Variants in KIAA1217 observed in about 807,000 individuals in gnomAD.
KIAA1217 encodes KIAA1217, also known as sickle tail protein homolog.
KIAA1217 carries 88 observed loss-of-function variants against 163.9 expected under a neutral mutation model. That is an observed-to-expected ratio of 0.54 (90% CI 0.45 to 0.64). KIAA1217 has a LOEUF of 0.64. KIAA1217 is among the 30% of genes least tolerant of loss of function. The probability of loss-of-function intolerance (pLI) is 0.00; values close to 1 mark genes in which losing one functional copy is unlikely to be tolerated. For synonymous variants in KIAA1217, 903 were observed against 923.1 expected (o/e 0.98, Z 0.39); for missense variants, 2,372 against 2,475.0 (o/e 0.96, Z 0.88).
At chr10:23,921,965 G>C (rs544095018) in intron 1 of KIAA1217, among the ~76,000 whole-genome samples, 1 of 152,146 alleles carries the variant, frequency 6.6e-6, no homozygotes, top group African/African-American at 2.4e-5. Context: ...GGTGGCTGGG[G>C]CTCCTAGATA....
chr10:24,112,273 T>TTA (rs2062877328), intron 2 of KIAA1217, among the ~76,000 whole-genome samples: 1 of 152,206 alleles, frequency 6.6e-6, no homozygotes, highest in Non-Finnish European at 1.5e-5. Flanking sequence ...TTCCACAAAA[T>TTA]TAAGGCTACC....
At chr10:24,170,551 G>A (rs1022999826) in intron 2 of KIAA1217, among the ~76,000 whole-genome samples, 3 of 152,092 alleles carry the variant, frequency 2.0e-5, no homozygotes, top group Non-Finnish European at 4.4e-5. Flanking sequence ...GCCAAGGATG[G>A]GTGCACAGTA....
At chr10:24,189,484 C>A (rs751651557) in intron 2 of KIAA1217, among the ~76,000 whole-genome samples, 1 of 152,204 alleles carries the variant, frequency 6.6e-6, no homozygotes, top group African/African-American at 2.4e-5. Flanking sequence ...CCCAAACACA[C>A]ATGTGCACAC....
intron 2 of KIAA1217, among the ~76,000 whole-genome samples, chr10:24,071,593 C>T (rs754109111): frequency 6.6e-6 from 1 of 152,206 alleles, no homozygotes; most frequent in South Asian, 2.1e-4. Flanking sequence ...TGGGAAGTCA[C>T]ATTTCTGCTT....
chr10:24,294,845 C>T (rs2040400923), intron 2 of KIAA1217, among the ~76,000 whole-genome samples: 1 of 152,178 alleles, frequency 6.6e-6, no homozygotes, highest in African/African-American at 2.4e-5. Flanking sequence ...TCACTGTCCA[C>T]ATTGCCAGGG....
At chr10:23,872,936 G>A (rs921388819) in intron 1 of KIAA1217, among the ~76,000 whole-genome samples, 18 of 151,970 alleles carry the variant, frequency 1.2e-4, no homozygotes, top group African/African-American at 3.1e-4. Flanking sequence ...CAGGTTTCCC[G>A]TATTTTTGGA....
chr10:24,210,343 G>C (rs1325929579), intron 1 of KIAA1217, among the ~76,000 whole-genome samples: 1 of 152,146 alleles, frequency 6.6e-6, no homozygotes, highest in Non-Finnish European at 1.5e-5. Flanking sequence ...GAGAATCCCT[G>C]AGTCTGAACA....
intron 1 of KIAA1217, among the ~76,000 whole-genome samples, chr10:23,982,839 C>T (rs899938813): frequency 6.6e-6 from 1 of 152,106 alleles, no homozygotes; most frequent in African/African-American, 2.4e-5. Context: ...GCTAGGATTA[C>T]AGGCATGAGC....
intron 2 of KIAA1217, among the ~76,000 whole-genome samples, chr10:24,194,945 T>G (rs762851363): frequency 6.6e-6 from 1 of 152,010 alleles, no homozygotes; most frequent in Non-Finnish European, 1.5e-5. Flanking sequence ...TGTTCTTCTC[T>G]GTACGAGGAT....
intron 2 of KIAA1217, among the ~76,000 whole-genome samples, chr10:24,159,596 G>C (rs1043406292): frequency 7.2e-6 from 1 of 139,822 alleles, no homozygotes; most frequent in Non-Finnish European, 1.5e-5. Flanking sequence ...TGGCTAACAC[G>C]GTGAAACCCC....
chr10:24,203,112 C>T (rs1341708780), intron 2 of KIAA1217, among the ~76,000 whole-genome samples: 1 of 151,348 alleles, frequency 6.6e-6, no homozygotes, highest in Non-Finnish European at 1.5e-5. Context: ...ATTGATTGAG[C>T]CCAAGAAGTT....
At chr10:24,207,835 G>A (rs567318641), upstream of KIAA1217, among the ~76,000 whole-genome samples, 7 of 152,068 alleles carry the variant, frequency 4.6e-5, no homozygotes, top group South Asian at 2.1e-4. Context: ...GCCAAAATAC[G>A]TCACCCCCAC....
Position 24,293,177 on chromosome 10 carries a change from G to A in KIAA1217, c.354+73268G>A, listed in dbSNP as rs563210404. 5.3e-5 allele frequency among the ~76,000 whole-genome samples: 8 copies of A among 152,254 alleles called. 1 individual carries two copies. Among genetic ancestry groups the A allele is most frequent in the African/African-American group, 1.9e-4 (8 of 41,542 alleles). On this transcript the variant is annotated intron_variant, in intron 2 of 20. Coordinates refer to ENST00000376454, the MANE Select transcript of KIAA1217 (RefSeq NM_019590.5). ...TTTGCCTCAGCCTCCCGAGTAGCTG[G>A]GATTATAGGCATGTGCCACCATGCC...
chr10:23,915,076 A>G (rs867505847), intron 1 of KIAA1217, among the ~76,000 whole-genome samples: 2 of 152,174 alleles, frequency 1.3e-5, no homozygotes, highest in Non-Finnish European at 2.9e-5. Flanking sequence ...AAAAGAAAAA[A>G]GAAGAGGGAA....
rs2061805421 is a variant in KIAA1217 at position 24,088,565 on chromosome 10, G to A, written c.-171+81191G>A. On this transcript the variant is annotated intron_variant, in intron 2 of 18. Transcript: ENST00000376462. ...GCGGTGTTTGGTTTTTTGTCCTTGC[G>A]ATAGTTTGCTGAGAATGATGGTTTC... Among the ~76,000 whole-genome samples, 4 of 118,626 alleles carry A rather than the reference G, an allele frequency of 3.4e-5. 1 individual carries two copies. The highest frequency in any genetic ancestry group is 5.8e-4 in the South Asian group (2 of 3,466). The allele number at this position is 118,626 out of a possible 152,430, so 77.8% of individuals were successfully genotyped here. A position where few individuals can be genotyped will look rare whatever the true frequency, so the allele number is the denominator to read the frequency against.
chr10:24,170,202 T>C (rs140633097), intron 2 of KIAA1217, among the ~76,000 whole-genome samples: 8 of 152,344 alleles, frequency 5.3e-5, no homozygotes, highest in African/African-American at 1.7e-4. Context: ...TTATTCTACA[T>C]TCAATATTTT....
chr10:24,068,825 C>A (rs2131622631), intron 2 of KIAA1217, among the ~76,000 whole-genome samples: 1 of 152,304 alleles, frequency 6.6e-6, no homozygotes, highest in East Asian at 1.9e-4. Flanking sequence ...CCTCAGGGAG[C>A]TGGGAGCTGG....
At chr10:24,225,326 G>T (rs1300160591) in intron 2 of KIAA1217, among the ~76,000 whole-genome samples, 2 of 151,990 alleles carry the variant, frequency 1.3e-5, no homozygotes, top group African/African-American at 4.8e-5. Context: ...GTCTTGCTGT[G>T]TTGCCCAGAT....
At chr10:24,402,426 G>A (rs1004086507) in intron 3 of KIAA1217, among the ~76,000 whole-genome samples, 7 of 151,006 alleles carry the variant, frequency 4.6e-5, no homozygotes, top group South Asian at 2.1e-4. Flanking sequence ...GTAGAATGGC[G>A]TGAACCCGGG....
Sources: gnomAD v4.1 joint callset for allele counts (sites outside exome capture counted in the v4.1 genomes callset) on GRCh38, gnomAD v4.1.1 for gene constraint, MANE v1.5 for transcripts, NCBI Gene and HGNC (gene_info 2026-07-23, HGNC 2026-07-21) for gene names.